The following SLC1A7 variants were observed in gnomAD, a reference collection of about 807,000 sequenced individuals.
The protein encoded by SLC1A7 is solute carrier family 1 member 7.
A neutral mutation model predicts 47.7 loss-of-function variants in SLC1A7; 40 were observed. The observed-to-expected ratio is 0.84, with a 90% confidence interval of 0.65 to 1.09. The LOEUF (loss-of-function observed/expected upper bound fraction) is 1.09. Ranked by LOEUF, SLC1A7 falls within the 50% of genes least tolerant of loss-of-function variation. The pLI, the probability that SLC1A7 is intolerant of heterozygous loss-of-function variation, is 0.00. For synonymous variants in SLC1A7, 323 were observed against 325.6 expected (o/e 0.99, Z 0.09); for missense variants, 746 against 769.5 (o/e 0.97, Z 0.36).
At chr1:53,122,605 G>A (rs572720760) in intron 2 of SLC1A7, among the ~76,000 whole-genome samples, 12 of 152,216 alleles carry the variant, frequency 7.9e-5, no homozygotes, top group East Asian at 7.8e-4. Context: ...CACTCAAGCC[G>A]ACTCCTCCTG....
intron 3 of SLC1A7, among the ~76,000 whole-genome samples, chr1:53,107,650 A>G (rs184557863): frequency 0.019 from 2,967 of 152,326 alleles, 45 homozygotes; most frequent in South Asian, 0.029. Flanking sequence ...GTGACCAAGC[A>G]CTACCATCCT....
In SLC1A7 at chr1:53,094,963, C is replaced by G. The variant is rs912357093; in HGVS notation, c.698-1403G>C. ...TGAGGGAACCAAAGAAAGCCCTGCT[C>G]GGAGCCGCTGTGCTAGTGTGCTCAC... is the stretch of plus-strand genomic sequence containing the variant. On this transcript the variant is annotated intron_variant, in intron 5 of 10. Transcript: ENST00000371494. 2.0e-5 allele frequency among the ~76,000 whole-genome samples: 3 copies of G among 152,332 alleles called. No homozygotes were observed. The East Asian group carries it at 5.8e-4, about 29-fold the overall frequency.
At chr1:53,088,373 G>GT (rs1344004837) in intron 10 of SLC1A7, 146 bp from the exon 11 acceptor site, 61 of 637,090 alleles carry the variant, frequency 9.6e-5, no homozygotes, top group Non-Finnish European at 1.3e-4. Flanking sequence ...GACCTCGGCA[G>GT]GTCACGGCCT....
chr1:53,101,577 GGTACACTCACACAACCCGCCTCA>G (rs1331715956), intron 5 of SLC1A7, among the ~76,000 whole-genome samples: 9 of 124,692 alleles, frequency 7.2e-5, no homozygotes, highest in Non-Finnish European at 1.5e-4. Flanking sequence ...ATGCCTACTC[GGTACACTCACACAACCCGCCTCA>G]GTACACTCAC....
intron 2 of SLC1A7, among the ~76,000 whole-genome samples, chr1:53,130,772 C>G (rs576258643): frequency 1.3e-5 from 2 of 152,272 alleles, no homozygotes; most frequent in South Asian, 4.2e-4. Flanking sequence ...TTCAAAGCAG[C>G]TCTGGTGATT....
At chr1:53,091,687 G>T (rs1644424264) in intron 7 of SLC1A7, among the ~76,000 whole-genome samples, 1 of 152,216 alleles carries the variant, frequency 6.6e-6, no homozygotes, top group Non-Finnish European at 1.5e-5. Context: ...ACAGAGGCCT[G>T]CAGGGCATTT....
intron 9 of SLC1A7, among the ~76,000 whole-genome samples, chr1:53,089,487 G>C (rs1025414669): frequency 1.1e-4 from 16 of 152,160 alleles, no homozygotes; most frequent in South Asian, 2.1e-4. Flanking sequence ...TGCCCAGGCT[G>C]GGCTCTGGAA....
At chr1:53,118,001 G>A (rs1644780049) in intron 2 of SLC1A7, among the ~76,000 whole-genome samples, 1 of 152,276 alleles carries the variant, frequency 6.6e-6, no homozygotes, top group Non-Finnish European at 1.5e-5. Context: ...GGAACTGCTG[G>A]TGACAGCTGG....
chr1:53,129,977 A>G (rs1557689305), intron 2 of SLC1A7, among the ~76,000 whole-genome samples: 1 of 152,156 alleles, frequency 6.6e-6, no homozygotes, highest in African/African-American at 2.4e-5. Context: ...TTGTTCAGTG[A>G]GATGAGTGGC....
At position 53,142,512 on chromosome 1, in the gene SLC1A7, G is replaced by T; in HGVS notation, c.-63C>A. On this transcript the variant is annotated 5_prime_UTR_variant, in exon 1 of 11. Transcript: ENST00000371494. Reference sequence around the variant, plus strand: ...TCCACGCATGAGAGCCCGGCCGGGGGCACAGGGTCTGGGCTGAGGGCTCTA... The same window carrying T: ...TCCACGCATGAGAGCCCGGCCGGGGTCACAGGGTCTGGGCTGAGGGCTCTA... 6.3e-7 allele frequency: 1 copy of T among 1,574,970 alleles called. No homozygotes were observed. The highest frequency in any genetic ancestry group is 1.7e-5 in the Admixed American group (1 of 57,480).
chr1:53,092,921 G>T (rs1572295181), intron 6 of SLC1A7, 134 bp from the exon 7 acceptor site: 10 of 638,460 alleles, frequency 1.6e-5, no homozygotes, highest in South Asian at 1.5e-4. Flanking sequence ...CTGCCAAGGT[G>T]CCCGGCCCAG....
chr1:53,113,065 C>A (rs1028896529), intron 3 of SLC1A7, among the ~76,000 whole-genome samples: 6 of 152,182 alleles, frequency 3.9e-5, no homozygotes, highest in Admixed American at 1.3e-4. Flanking sequence ...CTTTCCCAGT[C>A]TGAGTCAGAT....
At chr1:53,137,330 C>T (rs943411361) in intron 1 of SLC1A7, among the ~76,000 whole-genome samples, 2 of 148,316 alleles carry the variant, frequency 1.3e-5, no homozygotes, top group African/African-American at 2.5e-5. Flanking sequence ...CAGCTCTTGC[C>T]TCACCTCTCT....
chr1:53,125,729 C>T (rs1339973150), intron 2 of SLC1A7, among the ~76,000 whole-genome samples: 1 of 152,286 alleles, frequency 6.6e-6, no homozygotes, highest in East Asian at 1.9e-4. Context: ...TGTGCACCTG[C>T]AAGGGGCAGT....
rs551059696 is a variant in SLC1A7 at position 53,089,838 on chromosome 1, G to A, written c.1323C>T (p.Thr441=). The change falls in exon 9 of 11, where the codon ACC becomes ACT. Residue 441 remains threonine, a synonymous_variant. Transcript: ENST00000371494. ...VIVLTSVGLP[T]DDITLIIAVD... Reference sequence around the variant, plus strand: ...CGGCAATGATGAGGGTGATGTCATCGGTGGGCAGTCCCACGGAGGTGAGCA... The same window carrying A: ...CGGCAATGATGAGGGTGATGTCATCAGTGGGCAGTCCCACGGAGGTGAGCA... The A allele has an allele frequency of 1.9e-5, 30 of 1,614,002 alleles. No homozygotes were observed. Among genetic ancestry groups the A allele is most frequent in the South Asian group, 3.3e-5 (3 of 91,076 alleles).
At chr1:53,104,565 CT>C (rs1644618341) in intron 4 of SLC1A7, among the ~76,000 whole-genome samples, 1 of 152,210 alleles carries the variant, frequency 6.6e-6, no homozygotes, top group South Asian at 2.1e-4. Flanking sequence ...CATTCTTTCT[CT>C]TTATCTCTCA....
chr1:53,121,764 G>A (rs1286189251), intron 2 of SLC1A7, among the ~76,000 whole-genome samples: 2 of 152,204 alleles, frequency 1.3e-5, no homozygotes, highest in Admixed American at 6.5e-5. Flanking sequence ...AGGCTGAGCC[G>A]TGGCTGCACA....
intron 9 of SLC1A7, 116 bp from the exon 10 acceptor site, chr1:53,089,095 C>G: frequency 2.4e-6 from 2 of 817,564 alleles, no homozygotes; most frequent in East Asian, 5.3e-5. Flanking sequence ...GCAAAGCCTG[C>G]AGCCAGATGG....
At chr1:53,115,580 AGTGAGTGAGAGCGCTGGGCTGGG>A in intron 2 of SLC1A7, 2 of 154,412 alleles carry the variant, frequency 1.3e-5, no homozygotes, top group African/African-American at 4.8e-5. Flanking sequence ...GCTAATGAGG[AGTGAGTGAGAGCGCTGGGCTGGG>A]GGCTGGTGAC....
Sources: gnomAD v4.1 joint callset for allele counts (sites outside exome capture counted in the v4.1 genomes callset) on GRCh38, gnomAD v4.1.1 for gene constraint, MANE v1.5 for transcripts, NCBI Gene and HGNC (gene_info 2026-07-23, HGNC 2026-07-21) for gene names.